The following NRXN3 variants were observed in gnomAD, a reference collection of about 807,000 sequenced individuals.
The protein encoded by NRXN3 is neurexin III.
A neutral mutation model predicts 137.6 loss-of-function variants in NRXN3; 32 were observed. The observed-to-expected ratio is 0.23, with a 90% CI of 0.18 to 0.31. The LOEUF (loss-of-function observed/expected upper bound fraction) is 0.31, where lower values mean the gene tolerates loss of function less well. NRXN3 is among the 10% of genes least tolerant of loss of function. The pLI is 1.00. For missense variants in NRXN3, 1,574 were observed against 2,062.5 expected, an observed-to-expected ratio of 0.76 and a Z score of 4.59; for synonymous variants, 798 against 784.5, an observed-to-expected ratio of 1.02 and a Z score of -0.29.
chr14:79,176,826 T>C (rs2062390962), intron 15 of NRXN3, among the ~76,000 whole-genome samples: 1 of 152,244 alleles, frequency 6.6e-6, no homozygotes, highest in African/African-American at 2.4e-5. Flanking sequence ...GATACTTATC[T>C]GACTCTTCAC....
chr14:79,818,343 G>A (rs901189648), intron 20 of NRXN3, among the ~76,000 whole-genome samples: 7 of 152,222 alleles, frequency 4.6e-5, no homozygotes, highest in East Asian at 1.9e-4. Flanking sequence ...GTGAGCCACC[G>A]CGCCCGGCCG....
Position 79,834,378 on chromosome 14 carries a change from G to C in NRXN3, c.4094-26964G>C, listed in dbSNP as rs193083702. The stretch of plus-strand genomic sequence containing the variant: ...TACTGCTCTTAGAATTGCTAAATGT[G>C]TTCAGAGAATGTGTGATAAGATCTG... On this transcript the variant is annotated intron_variant, in intron 20 of 20. Transcript: ENST00000335750. Among the ~76,000 whole-genome samples, 27 of 152,188 alleles carry C rather than the reference G, an allele frequency of 1.8e-4. No individual in the cohort carries two copies. In the East Asian group the frequency reaches 4.6e-3, roughly 26 times the overall value.
At chr14:79,697,526 A>G (rs2098739966) in intron 18 of NRXN3, 104 bp from the exon 19 acceptor site, 5 of 1,250,834 alleles carry the variant, frequency 4.0e-6, no homozygotes, top group South Asian at 1.5e-5. Flanking sequence ...CTCCCCTTCA[A>G]TTGCTCAAGG....
At chr14:78,577,171 G>T (rs1600739055) in intron 4 of NRXN3, among the ~76,000 whole-genome samples, 2 of 152,136 alleles carry the variant, frequency 1.3e-5, no homozygotes, top group South Asian at 4.1e-4. Context: ...AGTAATCCAT[G>T]TAGGCCTACT....
chr14:79,102,667 G>A (rs1003696445), intron 15 of NRXN3, among the ~76,000 whole-genome samples: 5 of 152,092 alleles, frequency 3.3e-5, no homozygotes, highest in African/African-American at 1.2e-4. Context: ...TTTTTATAAG[G>A]CAAAAGGAGT....
At chr14:78,258,154 G>A (rs531905439) in intron 2 of NRXN3, among the ~76,000 whole-genome samples, 2 of 152,280 alleles carry the variant, frequency 1.3e-5, no homozygotes, top group East Asian at 3.9e-4. Flanking sequence ...AAATGAGATA[G>A]TGCACGTAGA....
chr14:78,323,157 T>G (rs1413572002), intron 4 of NRXN3, among the ~76,000 whole-genome samples: 1 of 152,112 alleles, frequency 6.6e-6, no homozygotes, highest in Admixed American at 6.5e-5. Flanking sequence ...AAAGTGAATT[T>G]AAAATTGTAT....
At chr14:78,488,706 A>G (rs989066249) in intron 4 of NRXN3, among the ~76,000 whole-genome samples, 1 of 148,628 alleles carries the variant, frequency 6.7e-6, no homozygotes, top group Non-Finnish European at 1.5e-5. Context: ...TGAAAGAAAG[A>G]GGGAGATGGA....
chr14:78,940,802 A>C (rs746808821), intron 10 of NRXN3, among the ~76,000 whole-genome samples: 1 of 152,154 alleles, frequency 6.6e-6, no homozygotes, highest in Non-Finnish European at 1.5e-5. Flanking sequence ...GTTTTTGTAA[A>C]TTATTAATAG....
chr14:79,377,492 G>A (rs2094337981), intron 15 of NRXN3, among the ~76,000 whole-genome samples: 1 of 152,136 alleles, frequency 6.6e-6, no homozygotes, highest in Admixed American at 6.6e-5. Context: ...AGTGGCTCAT[G>A]CCTGTAATCC....
At chr14:78,551,844 A>G (rs756260138) in intron 4 of NRXN3, among the ~76,000 whole-genome samples, 2 of 151,620 alleles carry the variant, frequency 1.3e-5, no homozygotes, top group Non-Finnish European at 2.9e-5. Flanking sequence ...TTATCAAAGT[A>G]TTTTTTTTAA....
At chr14:79,069,682 G>A (rs1036546974) in intron 15 of NRXN3, among the ~76,000 whole-genome samples, 2 of 152,012 alleles carry the variant, frequency 1.3e-5, no homozygotes, top group African/African-American at 4.8e-5. Flanking sequence ...TTCTCTTGAA[G>A]TGACATTTGA....
chr14:78,217,649 A>G (rs1311799177), intron 1 of NRXN3, among the ~76,000 whole-genome samples: 2 of 152,184 alleles, frequency 1.3e-5, no homozygotes, highest in Non-Finnish European at 2.9e-5. Flanking sequence ...TATTCTCTTA[A>G]TGTATATAAA....
At chr14:78,755,977 A>G (rs1567225026) in intron 8 of NRXN3, among the ~76,000 whole-genome samples, 1 of 152,196 alleles carries the variant, frequency 6.6e-6, no homozygotes, top group Non-Finnish European at 1.5e-5. Context: ...GTTGAAAAAC[A>G]TAGATTATGT....
chr14:78,367,291 G>T (rs140002581), intron 4 of NRXN3, among the ~76,000 whole-genome samples: 2 of 152,202 alleles, frequency 1.3e-5, no homozygotes, highest in African/African-American at 4.8e-5. Flanking sequence ...GCACTGGGCT[G>T]TGGGACTAGG....
chr14:79,085,082 C>T (rs1048586235), intron 15 of NRXN3, among the ~76,000 whole-genome samples: 2 of 152,056 alleles, frequency 1.3e-5, no homozygotes, highest in African/African-American at 4.8e-5. Context: ...CTGGTTTCCT[C>T]TTTTATCTGC....
intron 10 of NRXN3, among the ~76,000 whole-genome samples, chr14:78,950,290 C>A (rs2099384566): frequency 6.6e-6 from 1 of 152,140 alleles, no homozygotes; most frequent in African/African-American, 2.4e-5. Context: ...CACTGCTGAG[C>A]ACTGCTGTAA....
intron 15 of NRXN3, among the ~76,000 whole-genome samples, chr14:79,155,635 A>G (rs2060193892): frequency 6.6e-6 from 1 of 151,824 alleles, no homozygotes; most frequent in Non-Finnish European, 1.5e-5. Context: ...TTTAAGAACA[A>G]ATTATGTTGT....
chr14:79,379,733 C>T lies in NRXN3; in HGVS notation c.3263-87488C>T, dbSNP rs566243590. 3.3e-5 allele frequency among the ~76,000 whole-genome samples: 5 copies of T among 152,228 alleles called. No homozygotes were observed. The South Asian group carries it at 1.0e-3, about 32-fold the overall frequency. The stretch of plus-strand genomic sequence containing the variant: ...GAAGTGAGAGACTGGCATGATGAGG[C>T]AAACAGGGGGCAGTTTAACTGGCTG... On this transcript the variant is annotated intron_variant, in intron 15 of 20. Transcript: ENST00000335750.
Sources: allele counts gnomAD v4.1 joint callset (sites outside exome capture counted in the v4.1 genomes callset), GRCh38; gene constraint gnomAD v4.1.1; transcripts MANE v1.5; gene names NCBI Gene and HGNC (gene_info 2026-07-23, HGNC 2026-07-21).